Variants in FANCD2 observed in about 807,000 individuals in gnomAD.
FANCD2 encodes FA complementation group D2.
Under a neutral mutation model 192.3 loss-of-function variants are expected in FANCD2, and 131 were observed. The observed-to-expected ratio is 0.68, with a 90% CI of 0.59 to 0.79. The LOEUF (loss-of-function observed/expected upper bound fraction) is 0.79. Ranked by LOEUF, FANCD2 falls within the 30% of genes least tolerant of loss-of-function variation. The pLI is 0.00. For missense variants in FANCD2, 1,508 were observed against 1,701.6 expected, an observed-to-expected ratio of 0.89 and a Z score of 2.00; for synonymous variants, 524 against 612.5, an observed-to-expected ratio of 0.86 and a Z score of 2.13.
intron 9 of FANCD2, chr3:10,040,245 C>G (rs1326495814): frequency 3.1e-6 from 1 of 322,500 alleles, no homozygotes; most frequent in Non-Finnish European, 6.0e-6. Context: ...ACCATGTTAG[C>G]CAGGATGGTC....
At chr3:10,054,382 T>C (rs2087318683) in intron 18 of FANCD2, among the ~76,000 whole-genome samples, 1 of 117,770 alleles carries the variant, frequency 8.5e-6, no homozygotes. Context: ...TATATACATA[T>C]ATATATGTAT....
rs770863196 is a variant in FANCD2, at chr3:10,090,385, G to T, written c.3777G>T (p.Gln1259His). Reference protein sequence around the residue: ...IEPGTAADSQQIHEEKLLYWN... With the variant: ...IEPGTAADSQHIHEEKLLYWN... ...CTGGCACAGCAGCAGACTCGCAGCA[G>T]GTGAGTAAGATAATAGTCACTTCAA... The change falls in exon 37 of 44, where the codon CAG (glutamine) becomes CAT (histidine). Residue 1259 changes from glutamine to histidine, a missense_variant and splice_region_variant. Coordinates refer to ENST00000675286, the MANE Select transcript of FANCD2 (RefSeq NM_001018115.3). 3.1e-6 allele frequency: 5 copies of T among 1,597,936 alleles called. No individual in the cohort carries two copies. In the South Asian group the frequency reaches 5.5e-5, roughly 18 times the overall value.
chr3:10,074,868 T>G (rs1441309879), intron 29 of FANCD2, among the ~76,000 whole-genome samples, 195 bp downstream of exon 29: 1 of 152,224 alleles, frequency 6.6e-6, no homozygotes, highest in Non-Finnish European at 1.5e-5. Flanking sequence ...TAATAATGTG[T>G]CAGACATTAT....
chr3:10,060,167 C>CAAAAA, intron 18 of FANCD2, 127 bp from the exon 19 acceptor site: 4 of 545,138 alleles, frequency 7.3e-6, no homozygotes, highest in Admixed American at 3.2e-5. Flanking sequence ...AAGTCCGTCT[C>CAAAAA]AAAAAAAAAA....
Position 10,028,804 on chromosome 3 carries a change from T to A in FANCD2, c.64+83T>A, listed in dbSNP as rs1465947153. On this transcript the variant is annotated intron_variant, in intron 2 of 43. Coordinates refer to ENST00000675286, the MANE Select transcript of FANCD2 (RefSeq NM_001018115.3). ...AGATATAAAGTTCCTGCTTTTCAAG[T>A]GCTGAGAATCTTCAAAGTGTAATGA... 2.6e-6 allele frequency: 3 copies of A among 1,156,570 alleles called. No individual in the cohort carries two copies. In the African/African-American group the frequency reaches 4.6e-5, roughly 18 times the overall value. 71.6% of individuals were successfully genotyped at this position (1,156,570 alleles called of 1,614,324 possible).
intron 32 of FANCD2, 80 bp from the exon 33 acceptor site, chr3:10,085,732 A>G (rs1694153905): frequency 1.1e-6 from 1 of 912,104 alleles, no homozygotes; most frequent in African/African-American, 1.6e-5. Context: ...GATGGTACAG[A>G]CTGGAGGCCA....
intron 18 of FANCD2, among the ~76,000 whole-genome samples, chr3:10,059,261 GCCTCAGCCTC>G (rs2087496012): frequency 6.6e-6 from 1 of 152,094 alleles, no homozygotes; most frequent in African/African-American, 2.4e-5. Flanking sequence ...CAGTCCAGCA[GCCTCAGCCTC>G]CCAAAGTGTT....
intron 40 of FANCD2, 186 bp from the exon 41 acceptor site, chr3:10,095,014 A>G: frequency 1.6e-6 from 1 of 629,266 alleles, no homozygotes; most frequent in Admixed American, 2.3e-5. Flanking sequence ...AGGGACAGAA[A>G]TGGGAGAGTT....
chr3:10,061,994 A>C (rs905197669), intron 19 of FANCD2, among the ~76,000 whole-genome samples, 157 bp from the exon 20 acceptor site: 2 of 151,754 alleles, frequency 1.3e-5, no homozygotes, highest in African/African-American at 4.8e-5. Context: ...GGGGAGGGAT[A>C]GCATTAGGAG....
chr3:10,084,097 G>A (rs145604495), intron 32 of FANCD2, among the ~76,000 whole-genome samples: 2,281 of 151,314 alleles, frequency 0.015, 26 homozygotes, highest in Non-Finnish European at 0.023. Flanking sequence ...GGGTTCAAGC[G>A]ATTCTTCTGC....
chr3:10,069,918 C>G (rs1276797398), intron 26 of FANCD2, among the ~76,000 whole-genome samples: 1 of 149,370 alleles, frequency 6.7e-6, no homozygotes, highest in African/African-American at 2.5e-5. Flanking sequence ...TCTGCCTGGC[C>G]GCCCATCGTC....
In FANCD2 at chr3:10,028,695, A is replaced by G. The variant is rs756078235; in HGVS notation, c.38A>G (p.Lys13Arg). Residue 13 changes from lysine to arginine, a missense_variant, in exon 2 of 44, where the codon AAA becomes AGA. Physicochemically the swap from Lys to Arg is conservative, Grantham distance 26. Transcript: ENST00000675286. ...SKRRLSKSED[K>R]ESLTEDASKT... is the part of the protein sequence containing the mutation. ...AGAAGACTGTCAAAATCTGAGGATA[A>G]AGAGAGCCTGACAGAAGATGCCTCC... 2.4e-5 allele frequency: 39 copies of G among 1,614,054 alleles called. No homozygotes were observed. The highest frequency in any genetic ancestry group is 4.0e-5 in the African/African-American group (3 of 74,948).
chr3:10,027,925 T>C (rs1327136416), intron 1 of FANCD2, among the ~76,000 whole-genome samples: 2 of 110,104 alleles, frequency 1.8e-5, no homozygotes, highest in Admixed American at 8.6e-5. Flanking sequence ...AAAAAAAAAA[T>C]CACTTCTTTA....
At chr3:10,028,571 C>G in intron 1 of FANCD2, 54 bp from the exon 2 acceptor site, 1 of 1,205,558 alleles carries the variant, frequency 8.3e-7, no homozygotes, top group Non-Finnish European at 1.2e-6. Context: ...ATAGCTTTAA[C>G]TTCTCAGAAT....
intron 20 of FANCD2, 147 bp from the exon 21 acceptor site, chr3:10,063,645 G>A (rs1487926834): frequency 7.1e-6 from 7 of 983,620 alleles, no homozygotes; most frequent in South Asian, 1.3e-5. Flanking sequence ...GGAGACAGAC[G>A]GGTCAGAACA....
intron 2 of FANCD2, among the ~76,000 whole-genome samples, chr3:10,029,078 C>T (rs557508130): frequency 2.0e-5 from 3 of 152,224 alleles, no homozygotes; most frequent in African/African-American, 7.2e-5. Flanking sequence ...ATATTATGAT[C>T]TAGACACATG....
At chr3:10,067,948 TA>T (rs562846815) in intron 26 of FANCD2, among the ~76,000 whole-genome samples, 2 of 152,246 alleles carry the variant, frequency 1.3e-5, no homozygotes, top group Non-Finnish European at 2.9e-5. Context: ...AATTGATGCT[TA>T]AAAAAATTTT....
At chr3:10,085,235 C>A (rs1284983385) in intron 32 of FANCD2, among the ~76,000 whole-genome samples, 1 of 151,888 alleles carries the variant, frequency 6.6e-6, no homozygotes, top group Admixed American at 6.6e-5. Flanking sequence ...CGTGGTGGCT[C>A]ACCCCTGTGA....
rs1313687534 is a variant in FANCD2 at position 10,030,861 on chromosome 3, C to T, written c.65-1971C>T. 2.6e-5 allele frequency among the ~76,000 whole-genome samples: 4 copies of T among 152,048 alleles called. No homozygotes were observed. In the East Asian group the frequency reaches 7.7e-4, roughly 29 times the overall value. Reference sequence around the variant, plus strand: ...GTTGCAGTGAGCTGAGATCACGCCACTGCCCTTCAGCCGGGGCAACAGAGC... The same window carrying T: ...GTTGCAGTGAGCTGAGATCACGCCATTGCCCTTCAGCCGGGGCAACAGAGC... On this transcript the variant is annotated intron_variant, in intron 2 of 43. Transcript: ENST00000675286.
Sources: gnomAD v4.1 joint callset for allele counts (sites outside exome capture counted in the v4.1 genomes callset) on GRCh38, gnomAD v4.1.1 for gene constraint, MANE v1.5 for transcripts, NCBI Gene and HGNC (gene_info 2026-07-23, HGNC 2026-07-21) for gene names.